IQSEC2: variants seen among roughly 807,000 people sequenced by gnomAD.
The protein encoded by IQSEC2 is IQ motif and SEC7 domain-containing protein 2.
In IQSEC2, 6 loss-of-function variants were observed where a neutral mutation model predicts 74.6. That is an observed-to-expected ratio of 0.08 (90% CI 0.04 to 0.16). The LOEUF (loss-of-function observed/expected upper bound fraction) is 0.16, where lower values mean the gene tolerates loss of function less well. IQSEC2 is among the 10% of genes least tolerant of loss of function. IQSEC2 has a pLI of 1.00. For missense variants in IQSEC2, 734 were observed against 1,306.2 expected (o/e 0.56, Z 6.75); for synonymous variants, 494 against 544.5 (o/e 0.91, Z 1.29).
chrX:53,246,193 C>T (rs781879543), intron 8 of IQSEC2, among the ~76,000 whole-genome samples: 3 of 111,846 alleles, frequency 2.7e-5, no homozygotes, highest in Non-Finnish European at 5.6e-5. Flanking sequence ...ATAAATGTTC[C>T]TGCCTCTGCG....
chrX:53,276,697 T>C (rs1556869633), intron 2 of IQSEC2, among the ~76,000 whole-genome samples: 1 of 112,296 alleles, frequency 8.9e-6, no homozygotes, highest in Admixed American at 9.5e-5. Context: ...TAAAAATTCT[T>C]TACCAAGTTA....
At position 53,250,524 on chromosome X, in the gene IQSEC2, G is replaced by A. The variant is rs782132072; in HGVS notation, c.2052C>T (p.Cys684=). The change falls in exon 5 of 15, where the codon TGC becomes TGT. Residue 684 remains cysteine (C), a synonymous_variant. Transcript: ENST00000642864. Reference sequence around the variant, plus strand: ...CATCAGAGTTCTCGCCTGCTGCCTCGCACTTCCCCAACCTCCGACCCCCAG... The same window carrying A: ...CATCAGAGTTCTCGCCTGCTGCCTCACACTTCCCCAACCTCCGACCCCCAG... The part of the protein sequence containing the change: ...GVAGGRRLGK[C]EAAGENSDGG... The A allele has an allele frequency of 3.4e-5, 41 of 1,210,242 alleles. No individual in the cohort carries two copies. In the South Asian group the frequency reaches 4.6e-4, roughly 14 times the overall value.
chrX:53,276,205 T>C (rs1307954138), intron 2 of IQSEC2, among the ~76,000 whole-genome samples: 1 of 112,424 alleles, frequency 8.9e-6, no homozygotes, highest in African/African-American at 3.2e-5. Flanking sequence ...TATAACTTTG[T>C]TTTACTCAAG....
At chrX:53,279,736 G>T in intron 2 of IQSEC2, 1 of 602,184 alleles carries the variant, frequency 1.7e-6, no homozygotes. Flanking sequence ...GGCGATGGGG[G>T]CAAGAAGGTG....
chrX:53,284,505 T>A (rs1556871430), intron 2 of IQSEC2, among the ~76,000 whole-genome samples: 1 of 110,930 alleles, frequency 9.0e-6, no homozygotes, highest in Admixed American at 9.6e-5. Context: ...CCCACTGTCA[T>A]CTCCCCACCT....
downstream of IQSEC2, chrX:53,227,572 C>T (rs1254310092): frequency 1.3e-5 from 4 of 304,674 alleles, no homozygotes; most frequent in Admixed American, 6.1e-5. Context: ...GACTGCCCAT[C>T]GGGCAGCACC....
chrX:53,283,801 A>C (rs2074999292), intron 2 of IQSEC2, among the ~76,000 whole-genome samples: 1 of 112,338 alleles, frequency 8.9e-6, no homozygotes, highest in African/African-American at 3.2e-5. Flanking sequence ...CAGTGACTAC[A>C]GGTAGACAAT....
chrX:53,267,019 G>GTCTTCC (rs1236182907), intron 2 of IQSEC2: 37 of 1,152,373 alleles, frequency 3.2e-5, no homozygotes, highest in Non-Finnish European at 3.9e-5. Flanking sequence ...ACTGGTGAGC[G>GTCTTCC]TCTTCCTCTT....
At chrX:53,288,965 C>T (rs1037215096) in intron 2 of IQSEC2, among the ~76,000 whole-genome samples, 6 of 109,294 alleles carry the variant, frequency 5.5e-5, no homozygotes, top group Admixed American at 3.9e-4. Context: ...GCCTACCCCC[C>T]ACCCCCATCA....
Position 53,310,555 on chromosome X carries a change from C to G in IQSEC2, c.707+9862G>C, listed in dbSNP as rs782024102. On this transcript the variant is annotated intron_variant, in intron 1 of 14. Coordinates refer to ENST00000642864, the MANE Select transcript of IQSEC2 (RefSeq NM_001111125.3). The stretch of plus-strand genomic sequence containing the variant: ...GATTCAAATCCAGGTCTGTCTGTCT[C>G]CAAAGCTCGTTCTTTATGTATCATA... Among the ~76,000 whole-genome samples, 4 of 111,548 alleles carry G rather than the reference C, an allele frequency of 3.6e-5. No individual in the cohort carries two copies. The East Asian group carries it at 1.1e-3, about 32-fold the overall frequency.
downstream of IQSEC2, chrX:53,226,246 C>T (rs1157459421): frequency 2.7e-5 from 3 of 112,844 alleles, no homozygotes; most frequent in African/African-American, 9.7e-5. Context: ...TATCATCAAA[C>T]CAGTACTTTG....
chrX:53,317,306 G>T (rs1424693628), intron 1 of IQSEC2, among the ~76,000 whole-genome samples: 1 of 111,709 alleles, frequency 9.0e-6, no homozygotes, highest in Admixed American at 9.5e-5. Flanking sequence ...GCACTAGAAA[G>T]GCCACACCCT....
intron 1 of IQSEC2, among the ~76,000 whole-genome samples, chrX:53,304,687 G>A (rs370501713): frequency 2.7e-5 from 3 of 111,751 alleles, no homozygotes; most frequent in Non-Finnish European, 3.8e-5. Context: ...GCAGCACAGC[G>A]TGAACCTCAT....
rs1158291301 is a variant in IQSEC2, at chrX:53,250,546, C to G, written c.2030G>C (p.Gly677Ala). The stretch of plus-strand genomic sequence containing the variant: ...CTCGCACTTCCCCAACCTCCGACCC[C>G]CAGCCACACCACTGGGCCCAGTGCC... Reference protein sequence around the residue: ...NSGTGPSGVAGGRRLGKCEAA... With the variant: ...NSGTGPSGVAAGRRLGKCEAA... The change falls in exon 5 of 15, where the codon GGG becomes GCG. Residue 677 changes from glycine (G) to alanine (A), a missense_variant. Around this residue, in one of 12 missense-constraint regions of IQSEC2, gnomAD observed 204 missense variants for 305.4 expected, o/e 0.67. Transcript: ENST00000642864. 2.5e-6 allele frequency: 3 copies of G among 1,210,431 alleles called. No individual in the cohort carries two copies. Among genetic ancestry groups the G allele is most frequent in the Non-Finnish European group, 3.4e-6 (3 of 895,383 alleles).
chrX:53,289,388 G>A lies in IQSEC2; in HGVS notation c.737+2507C>T, dbSNP rs187779528. 3.8e-4 allele frequency among the ~76,000 whole-genome samples: 42 copies of A among 110,800 alleles called. 1 individual carries two copies. Among genetic ancestry groups the A allele is most frequent in the Admixed American group, 3.3e-3 (34 of 10,376 alleles). ...GGTCGCTGTGACCCAGTCCTGACCC[G>A]CGTTCTGACCTTACTGCTCTTTTCC... On this transcript the variant is annotated intron_variant, in intron 2 of 14. Coordinates refer to ENST00000642864, the MANE Select transcript of IQSEC2 (RefSeq NM_001111125.3).
chrX:53,238,263 C>T lies in IQSEC2; in HGVS notation c.3159G>A (p.Gly1053=), dbSNP rs199643273. Residue 1053 remains glycine (G), a synonymous_variant, in exon 12 of 15, where the codon GGG becomes GGA. Transcript: ENST00000642864. ...TGAAGATGATGAGGACTTTTCGCTC[C>T]CCACCAGGTACTGCAGACAGCAACT... The part of the protein sequence containing the change: ...GIKLLSAVPG[G]ERKVLIIFNA... 5.8e-6 allele frequency: 7 copies of T among 1,209,549 alleles called. No individual in the cohort carries two copies. In the African/African-American group the frequency reaches 1.2e-4, roughly 21 times the overall value.
intron 2 of IQSEC2, among the ~76,000 whole-genome samples, chrX:53,274,604 C>G (rs940204354): frequency 9.4e-6 from 1 of 106,859 alleles, no homozygotes; most frequent in Non-Finnish European, 1.9e-5. Flanking sequence ...TGGGACTACA[C>G]GCGCCCGCCA....
chrX:53,269,886 C>A (rs2074713858), intron 2 of IQSEC2, among the ~76,000 whole-genome samples: 2 of 110,804 alleles, frequency 1.8e-5, no homozygotes, highest in African/African-American at 6.6e-5. Flanking sequence ...GTGAGCCCAC[C>A]CCCACTGCTT....
intron 2 of IQSEC2, among the ~76,000 whole-genome samples, chrX:53,272,212 TCTC>T (rs1240159739): frequency 9.0e-6 from 1 of 110,734 alleles, no homozygotes. Context: ...CCTTCAGTGT[TCTC>T]CTCTGTCAGG....
Sources: gnomAD v4.1 joint callset for allele counts (sites outside exome capture counted in the v4.1 genomes callset) on GRCh38, gnomAD v4.1.1 for gene constraint, gnomAD v4.1.1 regional missense constraint, MANE v1.5 for transcripts, NCBI Gene and HGNC (gene_info 2026-07-23, HGNC 2026-07-21) for gene names.